The following RBFOX1 variants were observed in gnomAD, a reference collection of about 807,000 sequenced individuals.
RBFOX1 encodes RNA binding protein fox-1 homolog 1.
Under a neutral mutation model 57.7 loss-of-function variants are expected in RBFOX1, and 8 were observed. The observed-to-expected ratio is 0.14, with a 90% CI of 0.08 to 0.25. The LOEUF (loss-of-function observed/expected upper bound fraction) is 0.25. RBFOX1 is among the 10% of genes least tolerant of loss of function. The pLI is 1.00. For synonymous variants in RBFOX1, 326 were observed against 222.4 expected (o/e 1.47, Z -4.15); for missense variants, 611 against 548.5 (o/e 1.11, Z -1.14).
At chr16:5,842,538 A>T (rs1010616802) in intron 3 of RBFOX1, among the ~76,000 whole-genome samples, 1 of 152,172 alleles carries the variant, frequency 6.6e-6, no homozygotes. Flanking sequence ...TCATTCATGT[A>T]TTCATTCATT....
intron 4 of RBFOX1, among the ~76,000 whole-genome samples, chr16:7,318,543 G>T (rs947629579): frequency 1.3e-5 from 2 of 152,128 alleles, no homozygotes; most frequent in Non-Finnish European, 2.9e-5. Context: ...TGTGAGATGG[G>T]GATGGTGATA....
At chr16:6,100,917 G>C (rs2096298838) in intron 1 of RBFOX1, among the ~76,000 whole-genome samples, 1 of 152,164 alleles carries the variant, frequency 6.6e-6, no homozygotes, top group South Asian at 2.1e-4. Flanking sequence ...TCAGAGGGAT[G>C]ACTGTGTGGC....
At chr16:6,101,143 A>G (rs564772497) in intron 1 of RBFOX1, among the ~76,000 whole-genome samples, 1 of 152,314 alleles carries the variant, frequency 6.6e-6, no homozygotes, top group African/African-American at 2.4e-5. Context: ...GACTTCTGAG[A>G]AAGGCTGTTA....
chr16:6,872,926 C>G lies in RBFOX1; in HGVS notation c.-15-179131C>G, dbSNP rs138715007. 5.8e-3 allele frequency among the ~76,000 whole-genome samples: 880 copies of G among 152,240 alleles called. 13 individuals are homozygous for G. The highest frequency in any genetic ancestry group is 0.02 in the African/African-American group (832 of 41,546). ...AAAGCCATACTTCTCAGTAACCTCCCTGACACTTGCTCTGTTTTACTTCCC... is the reference window on the plus strand; with the variant it reads ...AAAGCCATACTTCTCAGTAACCTCCGTGACACTTGCTCTGTTTTACTTCCC... On this transcript the variant is annotated intron_variant, in intron 3 of 15. Coordinates refer to ENST00000550418, the MANE Select transcript of RBFOX1 (RefSeq NM_018723.4).
At chr16:7,166,972 CTTTTTTTTTTTTTTTTTTTTTTTT>C (rs537293692) in intron 4 of RBFOX1, among the ~76,000 whole-genome samples, 1 of 49,112 alleles carries the variant, frequency 2.0e-5, no homozygotes, top group South Asian at 1.1e-3. Flanking sequence ...CATTGGTGTT[CTTTTTTTTTTTTTTTTTTTTTTTT>C]TTTTTTTTTT....
chr16:7,278,729 A>G (rs985490408), intron 4 of RBFOX1, among the ~76,000 whole-genome samples: 5 of 152,200 alleles, frequency 3.3e-5, no homozygotes, highest in Admixed American at 6.5e-5. Context: ...CCAACTCATG[A>G]TGTATTCAGT....
chr16:6,335,902 T>C (rs923782643), intron 2 of RBFOX1, among the ~76,000 whole-genome samples: 17 of 150,652 alleles, frequency 1.1e-4, no homozygotes, highest in Admixed American at 6.0e-4. Context: ...ATGTCCATCA[T>C]TGTTCTCCAG....
intron 3 of RBFOX1, among the ~76,000 whole-genome samples, chr16:6,670,533 C>A (rs1189176283): frequency 6.6e-6 from 1 of 152,032 alleles, no homozygotes; most frequent in African/African-American, 2.4e-5. Context: ...AAACATACCC[C>A]CAAAGAAAGC....
At chr16:5,454,958 C>CCTTCCTTCCTTT (rs1567535950) in intron 1 of RBFOX1, among the ~76,000 whole-genome samples, 5 of 30,420 alleles carry the variant, frequency 1.6e-4, no homozygotes, top group East Asian at 1.1e-3. Flanking sequence ...TTCCTTCCTT[C>CCTTCCTTCCTTT]CTTTCTTTCT....
At chr16:7,077,690 T>C (rs2058521039) in intron 4 of RBFOX1, among the ~76,000 whole-genome samples, 1 of 152,222 alleles carries the variant, frequency 6.6e-6, no homozygotes, top group Non-Finnish European at 1.5e-5. Context: ...TTTAAAATTA[T>C]ATCTGTCGGG....
chr16:5,817,719 C>G (rs1475862658), intron 3 of RBFOX1, among the ~76,000 whole-genome samples: 3 of 141,290 alleles, frequency 2.1e-5, no homozygotes, highest in Non-Finnish European at 4.5e-5. Flanking sequence ...TTTTTTGAGA[C>G]GGAGTCTTGC....
At chr16:7,532,743 C>A (rs2080433890) in intron 5 of RBFOX1, among the ~76,000 whole-genome samples, 1 of 152,232 alleles carries the variant, frequency 6.6e-6, no homozygotes, top group African/African-American at 2.4e-5. Context: ...CACAGTCACA[C>A]TAACTGGTTC....
chr16:7,106,952 A>T (rs2063701818), intron 4 of RBFOX1, among the ~76,000 whole-genome samples: 1 of 135,270 alleles, frequency 7.4e-6, no homozygotes, highest in Non-Finnish European at 1.6e-5. Flanking sequence ...AATCCTACGA[A>T]GCTTGCATTC....
chr16:6,540,048 G>T (rs772931746), intron 2 of RBFOX1, among the ~76,000 whole-genome samples: 4 of 152,086 alleles, frequency 2.6e-5, no homozygotes, highest in Non-Finnish European at 4.4e-5. Flanking sequence ...TCTGTCCTGG[G>T]TAGGGCCTCA....
At chr16:6,962,352 A>C (rs930903557) in intron 3 of RBFOX1, among the ~76,000 whole-genome samples, 2 of 152,130 alleles carry the variant, frequency 1.3e-5, no homozygotes, top group Non-Finnish European at 2.9e-5. Context: ...AAGATCCTAC[A>C]CATTCATAGG....
intron 1 of RBFOX1, among the ~76,000 whole-genome samples, chr16:6,175,371 T>G (rs538479256): frequency 6.6e-6 from 1 of 152,278 alleles, no homozygotes; most frequent in South Asian, 2.1e-4. Flanking sequence ...TTTCTTCTCC[T>G]GGAGATTTAT....
chr16:7,165,586 C>T (rs1313751995), intron 4 of RBFOX1, among the ~76,000 whole-genome samples: 3 of 151,610 alleles, frequency 2.0e-5, no homozygotes, highest in South Asian at 2.1e-4. Flanking sequence ...TGCACCACCA[C>T]GCCCGGCTAA....
At chr16:6,389,274 T>C (rs1001572025) in intron 2 of RBFOX1, among the ~76,000 whole-genome samples, 1 of 152,198 alleles carries the variant, frequency 6.6e-6, no homozygotes, top group Admixed American at 6.5e-5. Context: ...TGAAACGACA[T>C]GCACAGATGC....
chr16:7,042,006 A>C (rs1357548709), intron 3 of RBFOX1, among the ~76,000 whole-genome samples: 15 of 152,192 alleles, frequency 9.9e-5, no homozygotes, highest in Admixed American at 7.9e-4. Context: ...GGACTTCCTT[A>C]GTCTGATTCC....
Sources: allele counts gnomAD v4.1 joint callset (sites outside exome capture counted in the v4.1 genomes callset), GRCh38; gene constraint gnomAD v4.1.1; transcripts MANE v1.5; gene names NCBI Gene and HGNC (gene_info 2026-07-23, HGNC 2026-07-21).